Variants in FASTKD5 observed in about 807,000 individuals in gnomAD.
FASTKD5 encodes the protein FAST kinase domains 5.
FASTKD5 carries 30 observed loss-of-function variants against 44.0 expected under a neutral mutation model. The ratio of observed to expected loss-of-function variants is 0.68; its 90% confidence interval spans 0.51 to 0.93. FASTKD5 has a LOEUF of 0.93. Among genes scored for constraint, FASTKD5 ranks in the 40% least tolerant of loss-of-function variants. The probability of loss-of-function intolerance (pLI) is 0.00; values close to 1 mark genes in which losing one functional copy is unlikely to be tolerated. For missense variants in FASTKD5, 868 were observed against 908.2 expected (o/e 0.96, Z 0.57); for synonymous variants, 335 against 342.2 (o/e 0.98, Z 0.23).
At position 3,146,920 on chromosome 20, in the gene FASTKD5, C is replaced by G; in HGVS notation, c.2151G>C (p.Leu717=). The part of the protein sequence containing the change: ...YCYGSRDLLG[L]HNMKRRQLAR... ...CCAGCTGCCGCCTCTTCATATTGTG[C>G]AGTCCAAGGAGATCCCTGGAGCCAT... The change falls in exon 2 of 2, where the codon CTG becomes CTC. Residue 717 remains leucine, a synonymous_variant. Transcript: ENST00000380266. The G allele has an allele frequency of 6.2e-7, 1 of 1,614,206 alleles. No homozygotes were observed. The highest frequency in any genetic ancestry group is 8.5e-7 in the Non-Finnish European group (1 of 1,180,038).
Position 3,147,225 on chromosome 20 carries a change from A to G in FASTKD5, c.1846T>C (p.Leu616=), listed in dbSNP as rs1401945871. The G allele has an allele frequency of 1.9e-6, 3 of 1,614,210 alleles. No homozygotes were observed. The highest frequency in any genetic ancestry group is 2.5e-6 in the Non-Finnish European group (3 of 1,180,048). ...EATPAENVAK[L]RLEHVGVSLT... The stretch of plus-strand genomic sequence containing the variant: ...CTGACTCCCACATGCTCAAGCCTTA[A>G]TTTGGCTACATTTTCAGCCGGCGTG... Residue 616 remains leucine, a synonymous_variant, in exon 2 of 2, where the codon TTA becomes CTA. Coordinates refer to ENST00000380266, the MANE Select transcript of FASTKD5 (RefSeq NM_021826.5).
rs1339929971 is a variant in FASTKD5 at position 3,159,858 on chromosome 20, C to T, written c.-283G>A. 2 of 152,314 alleles carry T rather than the reference C, an allele frequency of 1.3e-5. No homozygotes were observed. Among genetic ancestry groups the T allele is most frequent in the Non-Finnish European group, 2.9e-5 (2 of 68,092 alleles). 9.4% of individuals were successfully genotyped at this position (152,314 alleles called of 1,614,324 possible). On this transcript the variant is annotated 5_prime_UTR_variant, in exon 1 of 2. Coordinates refer to ENST00000380266, the MANE Select transcript of FASTKD5 (RefSeq NM_021826.5). Reference sequence around the variant, plus strand: ...ACTGGCTCCTCCGGCGACTCCGAGCCTCACAGCCCCACTTCCGGCCAACTG... The same window carrying T: ...ACTGGCTCCTCCGGCGACTCCGAGCTTCACAGCCCCACTTCCGGCCAACTG...
rs1288589039 is a variant in FASTKD5 at position 3,148,071 on chromosome 20, C to G, written c.1000G>C (p.Glu334Gln). The G allele has an allele frequency of 5.0e-6, 8 of 1,614,048 alleles. No homozygotes were observed. The highest frequency in any genetic ancestry group is 1.3e-5 in the African/African-American group (1 of 74,932). The stretch of plus-strand genomic sequence containing the variant: ...TCTCCAATTTTCCGCATGACAAATT[C>G]AGAGAGATTAGTACTTGATTTAAAG... ...GFFKSSTNLS[E>Q]FVMRKIGDLA... The change falls in exon 2 of 2, where the codon GAA becomes CAA. Residue 334 changes from glutamate to glutamine, a missense_variant. Coordinates refer to ENST00000380266, the MANE Select transcript of FASTKD5 (RefSeq NM_021826.5).
At chr20:3,151,778 A>G (rs1389798192) in intron 1 of FASTKD5, 2 of 152,180 alleles carry the variant, frequency 1.3e-5, no homozygotes, top group African/African-American at 4.8e-5. Flanking sequence ...AAATCCAATT[A>G]ATACTACAGC....
chr20:3,158,678 A>G (rs565647855), intron 1 of FASTKD5, among the ~76,000 whole-genome samples: 2,075 of 151,918 alleles, frequency 0.014, 52 homozygotes, highest in African/African-American at 0.047. Context: ...GTTTCACCAT[A>G]TTAGCCAAGA....
chr20:3,157,962 C>A (rs1180626091), intron 1 of FASTKD5, among the ~76,000 whole-genome samples: 1 of 151,880 alleles, frequency 6.6e-6, no homozygotes, highest in Non-Finnish European at 1.5e-5. Flanking sequence ...GTGGTGCAAT[C>A]TCCGCTCACT....
chr20:3,158,855 T>C (rs2066717126), intron 1 of FASTKD5, among the ~76,000 whole-genome samples: 1 of 152,218 alleles, frequency 6.6e-6, no homozygotes, highest in Non-Finnish European at 1.5e-5. Flanking sequence ...AGCTACAGAA[T>C]CTAGTTCTGG....
Position 3,148,022 on chromosome 20 carries a change from T to C in FASTKD5, c.1049A>G (p.His350Arg), listed in dbSNP as rs2066586079. 6.2e-7 allele frequency: 1 copy of C among 1,614,210 alleles called. No individual in the cohort carries two copies. Among genetic ancestry groups the C allele is most frequent in the Non-Finnish European group, 8.5e-7 (1 of 1,180,046 alleles). The change falls in exon 2 of 2, where the codon CAT becomes CGT. Residue 350 changes from histidine (H) to arginine (R), a missense_variant. Coordinates refer to ENST00000380266, the MANE Select transcript of FASTKD5 (RefSeq NM_021826.5). ...IGDLACANIQ[H>R]LSSRSLVNIV... ...ATTCACTAAGGAGCGACTACTCAGA[T>C]GCTGAATGTTAGCACAAGCCAAGTC...
chr20:3,149,408 T>C lies in FASTKD5; in HGVS notation c.-190-148A>G, dbSNP rs1260813058. 1 of 281,102 alleles carries C rather than the reference T, an allele frequency of 3.6e-6. No homozygotes were observed. Among genetic ancestry groups the C allele is most frequent in the East Asian group, 7.4e-5 (1 of 13,488 alleles). The allele number at this position is 281,102 out of a possible 1,614,324, so 17.4% of individuals were successfully genotyped here. A position where few individuals can be genotyped will look rare whatever the true frequency, so the allele number is the denominator to read the frequency against. ...TGCCCAAACCACATGACAGCATATATCAAGGATAAATTCTGCGGTCTGTGT... is the reference window on the plus strand; with the variant it reads ...TGCCCAAACCACATGACAGCATATACCAAGGATAAATTCTGCGGTCTGTGT... On this transcript the variant is annotated intron_variant, in intron 1 of 1. Transcript: ENST00000380266. The surrounding 1 kb of genome is among the most constrained non-coding windows in gnomAD (Gnocchi z 4.1).
chr20:3,148,525 C>T lies in FASTKD5; in HGVS notation c.546G>A (p.Leu182=), dbSNP rs2148620694. ...SLPAEQHPVL[L]GSTSFALLCQ... The stretch of plus-strand genomic sequence containing the variant: ...AGAGCAGAGCAAAGCTGGTACTGCC[C>T]AGCAAGACAGGATGCTGCTCTGCAG... Residue 182 remains leucine, a synonymous_variant, in exon 2 of 2, where the codon CTG becomes CTA. Transcript: ENST00000380266. 6.2e-7 allele frequency: 1 copy of T among 1,614,136 alleles called. No homozygotes were observed. Among genetic ancestry groups the T allele is most frequent in the East Asian group, 2.2e-5 (1 of 44,894 alleles).
intron 1 of FASTKD5, among the ~76,000 whole-genome samples, chr20:3,154,353 T>C (rs1299172194): frequency 1.3e-5 from 2 of 152,186 alleles, no homozygotes; most frequent in African/African-American, 4.8e-5. Flanking sequence ...AAATTATTAA[T>C]GCCAGGGAAG....
intron 1 of FASTKD5, among the ~76,000 whole-genome samples, chr20:3,158,034 A>G (rs2066706500): frequency 6.6e-6 from 1 of 152,112 alleles, no homozygotes; most frequent in Non-Finnish European, 1.5e-5. Flanking sequence ...GGATCGCTCA[A>G]GGATCTCAAA....
At position 3,148,943 on chromosome 20, in the gene FASTKD5, G is replaced by A. The variant is rs1226344287; in HGVS notation, c.128C>T (p.Pro43Leu). 12 of 1,614,060 alleles carry A rather than the reference G, an allele frequency of 7.4e-6. No individual in the cohort carries two copies. Among genetic ancestry groups the A allele is most frequent in the Non-Finnish European group, 1.0e-5 (12 of 1,180,046 alleles). ...VSSTQHGGQDPPEHISLCHSA... is the reference protein window; with the variant it reads ...VSSTQHGGQDLPEHISLCHSA... ...ATGGCAGAGGCTAATGTGTTCTGGA[G>A]GGTCCTGTCCCCCATGCTGTGTGCT... The change falls in exon 2 of 2, where the codon CCT becomes CTT. Residue 43 changes from proline to leucine, a missense_variant. By Grantham distance (98) the Pro-to-Leu change is moderately conservative (BLOSUM62 -3). Transcript: ENST00000380266.
At position 3,149,997 on chromosome 20, in the gene FASTKD5, C is replaced by T. The variant is rs573678785; in HGVS notation, c.-190-737G>A. ...CCGTGCCACTGCACTCCAGCCTAGGCGAAAAAGTGAGACTCCATCTCAAAA... is the reference window on the plus strand; with the variant it reads ...CCGTGCCACTGCACTCCAGCCTAGGTGAAAAAGTGAGACTCCATCTCAAAA... On this transcript the variant is annotated intron_variant, in intron 1 of 1. Transcript: ENST00000380266. The surrounding 1 kb of genome is among the most constrained non-coding windows in gnomAD (Gnocchi z 4.1). Among the ~76,000 whole-genome samples the T allele has an allele frequency of 6.3e-5, 9 of 142,256 alleles. No individual in the cohort carries two copies. In the East Asian group the frequency reaches 1.2e-3, roughly 19 times the overall value. 93.3% of individuals were successfully genotyped at this position (142,256 alleles called of 152,430 possible).
At chr20:3,154,567 T>C (rs930397865) in intron 1 of FASTKD5, among the ~76,000 whole-genome samples, 2 of 152,042 alleles carry the variant, frequency 1.3e-5, no homozygotes, top group Admixed American at 1.3e-4. Context: ...CCTGTGGTCC[T>C]AGCTACTCAG....
rs1390578830 is a variant in FASTKD5 at position 3,146,900 on chromosome 20, TG to T, written c.2170del (p.Gln724SerfsTer10). 3.7e-6 allele frequency: 6 copies of T among 1,614,102 alleles called. No individual in the cohort carries two copies. In the Admixed American group the frequency reaches 6.7e-5, roughly 18 times the overall value. ...CACACGGTAGCCAAGCCGAGCCAGC[TG>T]CCGCCTCTTCATATTGTGCAGTCCA... Reference protein sequence around the residue: ...LLGLHNMKRRQLARLGYRVVE... With the variant: ...LLGLHNMKRRXLARLGYRVVE... On this transcript the variant is annotated frameshift_variant, in exon 2 of 2. Transcript: ENST00000380266. LOFTEE classifies it high-confidence loss of function.
chr20:3,159,377 C>A (rs1318740913), intron 1 of FASTKD5, among the ~76,000 whole-genome samples: 3 of 152,200 alleles, frequency 2.0e-5, no homozygotes, highest in Admixed American at 1.3e-4. Context: ...TCAGAACCCA[C>A]CCCAGTCCTA....
intron 1 of FASTKD5, among the ~76,000 whole-genome samples, chr20:3,158,215 TC>T (rs1230572537): frequency 3.3e-5 from 5 of 152,064 alleles, no homozygotes; most frequent in African/African-American, 1.2e-4. Context: ...AAGTAATCCT[TC>T]CACTTCGGCC....
chr20:3,152,991 CAG>C (rs767445759), intron 1 of FASTKD5, among the ~76,000 whole-genome samples: 1 of 151,448 alleles, frequency 6.6e-6, no homozygotes, highest in Admixed American at 6.6e-5. Flanking sequence ...AAGCGAAAAA[CAG>C]AAAATGTCTG....
Sources: gnomAD v4.1 joint callset for allele counts (sites outside exome capture counted in the v4.1 genomes callset) on GRCh38, gnomAD v4.1.1 for gene constraint, Gnocchi (gnomAD v3.1) non-coding constraint, MANE v1.5 for transcripts, NCBI Gene and HGNC (gene_info 2026-07-23, HGNC 2026-07-21) for gene names.